KDM7A: variants seen among roughly 807,000 people sequenced by gnomAD.
KDM7A encodes lysine demethylase 7A.
Under a neutral mutation model 114.8 loss-of-function variants are expected in KDM7A, and 28 were observed. That is an observed-to-expected ratio of 0.24 (90% confidence interval 0.18 to 0.33). KDM7A has a LOEUF of 0.33. Among genes scored for constraint, KDM7A ranks in the 10% least tolerant of loss-of-function variants. The probability of loss-of-function intolerance (pLI) is 1.00; values close to 1 mark genes in which losing one functional copy is unlikely to be tolerated. For synonymous variants in KDM7A, 423 were observed against 397.8 expected (o/e 1.06, Z -0.75); for missense variants, 942 against 1,142.5 (o/e 0.82, Z 2.53).
rs140497114 is a variant in KDM7A, at chr7:140,090,642, T to TA, written c.*451dup. On this transcript the variant is annotated 3_prime_UTR_variant, in exon 20 of 20. Transcript: ENST00000397560. Reference sequence around the variant, plus strand: ...AACACACACACTATCAAAAATAATTTAAAAACCTTCACATTCTTACATCTA... The same window carrying TA: ...AACACACACACTATCAAAAATAATTTAAAAAACCTTCACATTCTTACATCTA... 4.1e-3 allele frequency: 638 copies of TA among 155,374 alleles called. 7 individuals are homozygous for TA. The highest frequency in any genetic ancestry group is 0.015 in the African/African-American group (606 of 41,592). 9.6% of individuals were successfully genotyped at this position (155,374 alleles called of 1,614,324 possible).
intron 11 of KDM7A, among the ~76,000 whole-genome samples, chr7:140,108,176 A>C (rs1315343064): frequency 2.6e-5 from 4 of 152,048 alleles, no homozygotes; most frequent in African/African-American, 9.7e-5. Flanking sequence ...CATTTGTCAT[A>C]TCTTTTTTTT....
rs552574689 is a variant in KDM7A at position 140,111,028 on chromosome 7, G to C, written c.1428+67C>G. On this transcript the variant is annotated intron_variant, in intron 11 of 19. Coordinates refer to ENST00000397560, the MANE Select transcript of KDM7A (RefSeq NM_030647.2). ...AGTTTTTAAATATTTGTAGAGAGTG[G>C]AATAGATCCATTTGCTTCTCAAAGC... is the stretch of plus-strand genomic sequence containing the variant. 2,584 of 861,366 alleles carry C rather than the reference G, an allele frequency of 3.0e-3. 12 individuals are homozygous for C. Among genetic ancestry groups the C allele is most frequent in the Non-Finnish European group, 3.6e-3 (1,877 of 515,546 alleles). The allele number at this position is 861,366 out of a possible 1,614,324, so 53.4% of individuals were successfully genotyped here.
intron 1 of KDM7A, among the ~76,000 whole-genome samples, chr7:140,171,409 C>T (rs1794636759): frequency 6.6e-6 from 1 of 150,670 alleles, no homozygotes; most frequent in Non-Finnish European, 1.5e-5. Context: ...ACAGAGGTTG[C>T]AGTGAGCCGA....
At chr7:140,117,287 T>C (rs55743751) in intron 9 of KDM7A, among the ~76,000 whole-genome samples, 3,100 of 152,378 alleles carry the variant, frequency 0.02, 60 homozygotes, top group Non-Finnish European at 0.033. Flanking sequence ...GAACTTTTGA[T>C]GGCCTAACAC....
At chr7:140,111,534 T>C (rs1367329228) in intron 10 of KDM7A, among the ~76,000 whole-genome samples, 1 of 152,234 alleles carries the variant, frequency 6.6e-6, no homozygotes, top group Non-Finnish European at 1.5e-5. Flanking sequence ...TCATAATGCA[T>C]AAGGATTTTT....
intron 1 of KDM7A, among the ~76,000 whole-genome samples, chr7:140,159,425 G>A (rs1316012805): frequency 6.6e-6 from 1 of 152,132 alleles, no homozygotes; most frequent in African/African-American, 2.4e-5. Flanking sequence ...AAAATGGTGA[G>A]GTAGGGATAC....
At chr7:140,175,680 C>T (rs529850854) in intron 1 of KDM7A, among the ~76,000 whole-genome samples, 2 of 152,324 alleles carry the variant, frequency 1.3e-5, no homozygotes, top group South Asian at 4.1e-4. Flanking sequence ...ACACACGAGT[C>T]GGCGGCCTGG....
intron 14 of KDM7A, 132 bp from the exon 15 acceptor site, chr7:140,097,774 C>T: frequency 1.8e-6 from 1 of 553,964 alleles, no homozygotes. Flanking sequence ...TCCTTTTTCA[C>T]TTTTATTTTC....
intron 8 of KDM7A, among the ~76,000 whole-genome samples, chr7:140,119,627 C>T (rs888928060): frequency 6.6e-6 from 1 of 152,230 alleles, no homozygotes; most frequent in African/African-American, 2.4e-5. Context: ...CTCAAGACCA[C>T]ACTTGGCAAG....
intron 1 of KDM7A, among the ~76,000 whole-genome samples, chr7:140,147,167 C>T (rs1794348034): frequency 6.6e-6 from 1 of 151,896 alleles, no homozygotes; most frequent in Admixed American, 6.6e-5. Flanking sequence ...AAACACATTT[C>T]CACTGACTTA....
At chr7:140,099,520 A>AC (rs974018775) in intron 13 of KDM7A, among the ~76,000 whole-genome samples, 7 of 152,046 alleles carry the variant, frequency 4.6e-5, no homozygotes, top group African/African-American at 1.7e-4. Flanking sequence ...GGGGTCCCCA[A>AC]CCCCTGGGCC....
intron 9 of KDM7A, among the ~76,000 whole-genome samples, chr7:140,115,380 GA>G (rs1818509621): frequency 6.6e-6 from 1 of 152,260 alleles, no homozygotes; most frequent in South Asian, 2.1e-4. Context: ...AAAAGAGAGA[GA>G]AATCAGATTG....
Position 140,091,110 on chromosome 7 carries a change from G to A in KDM7A, c.2810C>T (p.Ala937Val). Reference protein sequence around the residue: ...KILKLNRNGHARFFV With the variant: ...KILKLNRNGHVRFFV ...GCAGCTCTGTCACACAAAGAAACGTGCATGGCCATTTCTGTTCAACTTAAG... is the reference window on the plus strand; with the variant it reads ...GCAGCTCTGTCACACAAAGAAACGTACATGGCCATTTCTGTTCAACTTAAG... Residue 937 changes from alanine (A) to valine (V), a missense_variant, in exon 20 of 20, where the codon GCA (alanine) becomes GTA (valine). Physicochemically the swap from Ala to Val is moderately conservative, Grantham distance 64. Transcript: ENST00000397560. The A allele has an allele frequency of 6.2e-7, 1 of 1,612,740 alleles. No homozygotes were observed. Among genetic ancestry groups the A allele is most frequent in the Non-Finnish European group, 8.5e-7 (1 of 1,178,666 alleles).
intron 1 of KDM7A, among the ~76,000 whole-genome samples, chr7:140,142,848 A>G (rs1427983928): frequency 6.6e-6 from 1 of 152,204 alleles, no homozygotes; most frequent in Non-Finnish European, 1.5e-5. Flanking sequence ...GTCTATAAAT[A>G]GTAAAATGGA....
In KDM7A at chr7:140,126,772, C is replaced by T; in HGVS notation, c.753G>A (p.Val251=). ...VPDIAKKLSW[V]ENYWPDDSVF... is the part of the protein sequence containing the mutation. ...CTGAATCATCTGGCCAATAATTTTCCACCCAGGAAAGTTTTTTGGCTATAT... is the reference window on the plus strand; with the variant it reads ...CTGAATCATCTGGCCAATAATTTTCTACCCAGGAAAGTTTTTTGGCTATAT... The change falls in exon 6 of 20, where the codon GTG becomes GTA. Residue 251 remains valine, a synonymous_variant. Coordinates refer to ENST00000397560, the MANE Select transcript of KDM7A (RefSeq NM_030647.2). 1 of 1,614,012 alleles carries T rather than the reference C, an allele frequency of 6.2e-7. No homozygotes were observed. The highest frequency in any genetic ancestry group is 8.5e-7 in the Non-Finnish European group (1 of 1,179,966).
intron 13 of KDM7A, among the ~76,000 whole-genome samples, 187 bp downstream of exon 13, chr7:140,099,712 T>G (rs1487318260): frequency 6.6e-6 from 1 of 152,186 alleles, no homozygotes; most frequent in Non-Finnish European, 1.5e-5. Context: ...ACACTCCTTA[T>G]GAGAATCTAA....
At chr7:140,094,508 GGA>G (rs973582697) in intron 17 of KDM7A, among the ~76,000 whole-genome samples, 2 of 147,284 alleles carry the variant, frequency 1.4e-5, no homozygotes, top group African/African-American at 2.5e-5. Context: ...CCATCTTGGG[GGA>G]AAAAAAAAAA....
chr7:140,122,932 A>G (rs539457327), intron 7 of KDM7A, among the ~76,000 whole-genome samples: 3 of 152,364 alleles, frequency 2.0e-5, no homozygotes, highest in Admixed American at 6.5e-5. Context: ...ATAACCCACA[A>G]AATGGGAGCA....
chr7:140,097,794 T>C (rs1818140635), intron 14 of KDM7A, 152 bp from the exon 15 acceptor site: 2 of 542,990 alleles, frequency 3.7e-6, no homozygotes, highest in African/African-American at 3.8e-5. Context: ...CTTCATTTCT[T>C]TCTCCCCTTA....
Sources: allele counts gnomAD v4.1 joint callset (sites outside exome capture counted in the v4.1 genomes callset), GRCh38; gene constraint gnomAD v4.1.1; transcripts MANE v1.5; gene names NCBI Gene and HGNC (gene_info 2026-07-23, HGNC 2026-07-21).